The following DMD variants were observed in gnomAD, a reference collection of about 807,000 sequenced individuals.
DMD encodes mutant dystrophin.
In DMD, 63 loss-of-function variants were observed where a neutral mutation model predicts 330.1. The observed-to-expected ratio is 0.19, with a 90% CI of 0.16 to 0.24. The LOEUF (loss-of-function observed/expected upper bound fraction) is 0.24, where lower values mean the gene tolerates loss of function less well. Among genes scored for constraint, DMD ranks in the 10% least tolerant of loss-of-function variants. The pLI is 1.00. For missense variants in DMD, 3,344 were observed against 2,684.1 expected (o/e 1.25, Z -5.43); for synonymous variants, 1,223 against 959.8 (o/e 1.27, Z -5.07).
intron 2 of DMD, among the ~76,000 whole-genome samples, chrX:32,850,042 G>A (rs368264804): frequency 1.8e-4 from 20 of 111,904 alleles, no homozygotes; most frequent in African/African-American, 5.9e-4. Flanking sequence ...AATAGCAAGA[G>A]TAAGAGATTT....
At chrX:32,802,411 T>TTTTC (rs2076640464) in intron 7 of DMD, among the ~76,000 whole-genome samples, 2 of 111,893 alleles carry the variant, frequency 1.8e-5, no homozygotes, top group Non-Finnish European at 3.8e-5. Context: ...GCTGAGATGA[T>TTTTC]GGGGTTTTCT....
chrX:33,324,671 G>A (rs1359545705), intron 1 of DMD, among the ~76,000 whole-genome samples: 1 of 111,035 alleles, frequency 9.0e-6, no homozygotes, highest in Non-Finnish European at 1.9e-5. Flanking sequence ...TTCTTAAAAT[G>A]TGATCAATTC....
At chrX:33,170,916 T>A (rs961352088) in intron 1 of DMD, among the ~76,000 whole-genome samples, 1 of 111,877 alleles carries the variant, frequency 8.9e-6, no homozygotes, top group Non-Finnish European at 1.9e-5. Context: ...CAGCACCATT[T>A]GTTGAAAACA....
intron 2 of DMD, among the ~76,000 whole-genome samples, chrX:33,016,918 C>T (rs1202716863): frequency 8.9e-6 from 1 of 111,786 alleles, no homozygotes; most frequent in African/African-American, 3.2e-5. Context: ...ATAGAGTATA[C>T]ACGAGGCTTT....
At chrX:32,450,967 C>A (rs1373903525) in intron 26 of DMD, among the ~76,000 whole-genome samples, 1 of 110,911 alleles carries the variant, frequency 9.0e-6, no homozygotes, top group African/African-American at 3.3e-5. Flanking sequence ...AATTTCTCTA[C>A]TAGGAGAAAA....
intron 44 of DMD, among the ~76,000 whole-genome samples, chrX:32,084,082 C>T (rs1401111833): frequency 2.7e-5 from 3 of 111,607 alleles, no homozygotes; most frequent in East Asian, 2.8e-4. Flanking sequence ...TTTTTTTTTA[C>T]TAATATTTAA....
At chrX:31,693,563 T>G (rs2083257072) in intron 52 of DMD, among the ~76,000 whole-genome samples, 1 of 111,867 alleles carries the variant, frequency 8.9e-6, no homozygotes, top group African/African-American at 3.2e-5. Flanking sequence ...CATACACAAG[T>G]TTAGTAAAGT....
intron 78 of DMD, among the ~76,000 whole-genome samples, chrX:31,125,361 G>A (rs937958506): frequency 1.8e-5 from 2 of 111,918 alleles, no homozygotes; most frequent in African/African-American, 6.5e-5. Flanking sequence ...CTTGGAAGGA[G>A]GCACTGGCAC....
At chrX:32,323,332 T>C (rs1291791246) in intron 41 of DMD, among the ~76,000 whole-genome samples, 3 of 111,036 alleles carry the variant, frequency 2.7e-5, no homozygotes, top group African/African-American at 9.8e-5. Flanking sequence ...GAAGGATGAC[T>C]GTGTAATAAA....
At position 31,169,547 on chromosome X, in the gene DMD, G is replaced by T. The variant is rs2148184305; in HGVS notation, c.10449C>A (p.Ser3483=). 1 of 1,205,424 alleles carries T rather than the reference G, an allele frequency of 8.3e-7. No individual in the cohort carries two copies. Among genetic ancestry groups the T allele is most frequent in the Non-Finnish European group, 1.1e-6 (1 of 891,172 alleles). The change falls in exon 74 of 79, where the codon TCC becomes TCA. Residue 3483 remains serine, a synonymous_variant. Transcript: ENST00000357033. The stretch of plus-strand genomic sequence containing the variant: ...CAGGACTACGAGGCTGGCTCAGGGG[G>T]GAGTCCTGGTTCAAACTTTGGCAGT... ...QHYCQSLNQD[S]PLSQPRSPAQ...
At chrX:32,862,011 C>A (rs2082108103) in intron 2 of DMD, among the ~76,000 whole-genome samples, 1 of 111,649 alleles carries the variant, frequency 9.0e-6, no homozygotes, top group Non-Finnish European at 1.9e-5. Context: ...ACTGGAACAC[C>A]GTCGTCTTCT....
intron 9 of DMD, among the ~76,000 whole-genome samples, chrX:32,660,107 A>G (rs1186516432): frequency 9.0e-6 from 1 of 111,344 alleles, no homozygotes. Context: ...AGACAACTAA[A>G]GCTTTTGATC....
chrX:32,319,928 G>A (rs775938849), intron 41 of DMD, among the ~76,000 whole-genome samples: 66 of 109,768 alleles, frequency 6.0e-4, no homozygotes, highest in African/African-American at 2.1e-3. Context: ...TTTATTTTAA[G>A]CTATTCCAAA....
At chrX:32,782,139 T>C (rs2074831490) in intron 7 of DMD, among the ~76,000 whole-genome samples, 2 of 110,770 alleles carry the variant, frequency 1.8e-5, no homozygotes, top group South Asian at 3.7e-4. Flanking sequence ...CAAAGATAAA[T>C]TAAAGACAGA....
At chrX:31,860,675 C>CA (rs1241372571) in intron 48 of DMD, among the ~76,000 whole-genome samples, 1 of 111,875 alleles carries the variant, frequency 8.9e-6, no homozygotes, top group Non-Finnish European at 1.9e-5. Flanking sequence ...GTTAAGCTTC[C>CA]AGATAGTTAT....
At chrX:32,613,044 G>A (rs954745166) in intron 12 of DMD, among the ~76,000 whole-genome samples, 1 of 111,599 alleles carries the variant, frequency 9.0e-6, no homozygotes, top group Non-Finnish European at 1.9e-5. Context: ...GAAGGTATGA[G>A]GTAAAGGAGC....
rs762270647 is a variant in DMD at position 32,600,598 on chromosome X, G to GCGCA, written c.1483-4723_1483-4722insTGCG. 2.5e-3 allele frequency among the ~76,000 whole-genome samples: 237 copies of GCGCA among 95,288 alleles called. 5 individuals are homozygous for GCGCA. The highest frequency in any genetic ancestry group is 0.019 in the Admixed American group (162 of 8,533). 82.7% of individuals were successfully genotyped at this position (95,288 alleles called of 115,157 possible). The stretch of plus-strand genomic sequence containing the variant: ...GTCACACACACACAAACACGCACAC[G>GCGCA]CACACACACACACACACACACACAC... On this transcript the variant is annotated intron_variant, in intron 12 of 78. Transcript: ENST00000357033.
intron 30 of DMD, among the ~76,000 whole-genome samples, chrX:32,400,894 C>A (rs1269582746): frequency 1.8e-5 from 2 of 109,358 alleles, no homozygotes; most frequent in Non-Finnish European, 3.8e-5. Context: ...ATGTTTATTG[C>A]GGCACTATTC....
At chrX:32,677,853 C>T (rs935151933) in intron 9 of DMD, among the ~76,000 whole-genome samples, 8 of 111,542 alleles carry the variant, frequency 7.2e-5, no homozygotes, top group Admixed American at 4.8e-4. Context: ...GTGGGAACAA[C>T]GTAAATGCCC....
Sources: gnomAD v4.1 joint callset for allele counts (sites outside exome capture counted in the v4.1 genomes callset) on GRCh38, gnomAD v4.1.1 for gene constraint, MANE v1.5 for transcripts, NCBI Gene and HGNC (gene_info 2026-07-23, HGNC 2026-07-21) for gene names.